AFP: variants seen among roughly 807,000 people sequenced by gnomAD.
AFP encodes alpha-fetoprotein.
In AFP, 64 loss-of-function variants were observed where a neutral mutation model predicts 78.9. The observed-to-expected ratio is 0.81, with a 90% CI of 0.66 to 1.00. The LOEUF (loss-of-function observed/expected upper bound fraction) is 1.00. AFP is among the 50% of genes least tolerant of loss of function. The probability of loss-of-function intolerance (pLI) is 0.00; values close to 1 mark genes in which losing one functional copy is unlikely to be tolerated. For synonymous variants in AFP, 254 were observed against 243.8 expected (o/e 1.04, Z -0.39); for missense variants, 689 against 703.8 (o/e 0.98, Z 0.24).
At chr4:73,450,362 G>A (rs1003122450) in intron 10 of AFP, among the ~76,000 whole-genome samples, 3 of 152,178 alleles carry the variant, frequency 2.0e-5, no homozygotes, top group African/African-American at 7.2e-5. Context: ...ATGAAGCTCC[G>A]AGGTTGAGAA....
intron 7 of AFP, among the ~76,000 whole-genome samples, chr4:73,446,246 A>G (rs963601672): frequency 3.5e-4 from 53 of 152,194 alleles, no homozygotes; most frequent in African/African-American, 1.1e-3. Context: ...GAAAACCAAC[A>G]AGAAGTATTT....
At chr4:73,446,978 G>T (rs1231534519) in intron 7 of AFP, among the ~76,000 whole-genome samples, 3 of 152,070 alleles carry the variant, frequency 2.0e-5, no homozygotes, top group Admixed American at 2.0e-4. Flanking sequence ...GATAGGTCAC[G>T]TTCTCACTCT....
Position 73,436,260 on chromosome 4 carries a change from A to G in AFP, c.-3A>G, listed in dbSNP as rs779153641. 5 of 1,591,398 alleles carry G rather than the reference A, an allele frequency of 3.1e-6. No homozygotes were observed. The Admixed American group carries it at 8.4e-5, about 27-fold the overall frequency. ...ACTGCCAATAACAAAATAACTAGCAACCATGAAGTGGGTGGAATCAATTTT... is the reference window on the plus strand; with the variant it reads ...ACTGCCAATAACAAAATAACTAGCAGCCATGAAGTGGGTGGAATCAATTTT... On this transcript the variant is annotated 5_prime_UTR_variant, in exon 1 of 15. Transcript: ENST00000395792.
chr4:73,437,907 C>T (rs1346504898), intron 2 of AFP, among the ~76,000 whole-genome samples: 1 of 151,934 alleles, frequency 6.6e-6, no homozygotes, highest in Non-Finnish European at 1.5e-5. Context: ...TGGATGGTCA[C>T]AGAAGGAGAA....
At position 73,440,591 on chromosome 4, in the gene AFP, A is replaced by G; in HGVS notation, c.271-11A>G. 2.5e-6 allele frequency: 4 copies of G among 1,608,524 alleles called. No homozygotes were observed. The highest frequency in any genetic ancestry group is 3.4e-6 in the Non-Finnish European group (4 of 1,174,866). On this transcript the variant is annotated splice_polypyrimidine_tract_variant and intron_variant, in intron 3 of 14. Transcript: ENST00000395792. ...AGTTGTCTTTCTCCAAACATAAAAT[A>G]TTTCTTATAGCTACCTGCCTTTCTG...
intron 6 of AFP, 83 bp downstream of exon 6, chr4:73,443,527 G>C (rs570208218): frequency 9.3e-7 from 1 of 1,074,944 alleles, no homozygotes; most frequent in South Asian, 1.3e-5. Context: ...TTTAATTGTT[G>C]CTGTTTTAGA....
chr4:73,450,529 A>G, intron 10 of AFP, 86 bp from the exon 11 acceptor site: 1 of 1,587,688 alleles, frequency 6.3e-7, no homozygotes, highest in Non-Finnish European at 8.6e-7. Context: ...TTCTGGCATG[A>G]GAGTAGAGAG....
At chr4:73,444,603 T>A (rs1235224378) in intron 6 of AFP, among the ~76,000 whole-genome samples, 3 of 152,202 alleles carry the variant, frequency 2.0e-5, no homozygotes, top group Admixed American at 6.5e-5. Context: ...TCAGAAGTAT[T>A]TTTTACCCCA....
At chr4:73,444,726 T>C (rs910877625) in intron 6 of AFP, among the ~76,000 whole-genome samples, 6 of 152,220 alleles carry the variant, frequency 3.9e-5, no homozygotes, top group Non-Finnish European at 7.3e-5. Flanking sequence ...ATGGCAAAAA[T>C]AATTTACCTT....
intron 3 of AFP, among the ~76,000 whole-genome samples, chr4:73,439,147 A>C (rs770449669): frequency 8.5e-5 from 13 of 152,210 alleles, no homozygotes; most frequent in Non-Finnish European, 1.3e-4. Context: ...TCTTAGTATA[A>C]GGATATTTCA....
At chr4:73,439,701 T>C (rs1310314452) in intron 3 of AFP, among the ~76,000 whole-genome samples, 10 of 152,210 alleles carry the variant, frequency 6.6e-5, no homozygotes, top group Admixed American at 6.5e-4. Context: ...ATATTGATGC[T>C]GTCATCTGAG....
Position 73,452,614 on chromosome 4 carries a change from A to G in AFP, c.1642A>G (p.Met548Val), listed in dbSNP as rs1577959692. 1.9e-6 allele frequency: 3 copies of G among 1,610,052 alleles called. No individual in the cohort carries two copies. The highest frequency in any genetic ancestry group is 1.1e-5 in the South Asian group (1 of 91,000). Reference protein sequence around the residue: ...CQAQGVALQTMKQEFLINLVK... With the variant: ...CQAQGVALQTVKQEFLINLVK... Reference sequence around the variant, plus strand: ...AGCTCAGGGTGTAGCGCTGCAAACAATGAAGCAAGAGTAAGAAACTGTTAC... The same window carrying G: ...AGCTCAGGGTGTAGCGCTGCAAACAGTGAAGCAAGAGTAAGAAACTGTTAC... The change falls in exon 12 of 15, where the codon ATG becomes GTG. Residue 548 changes from methionine to valine, a missense_variant. Transcript: ENST00000395792.
chr4:73,455,364 A>C, intron 14 of AFP, 74 bp downstream of exon 14: 53 of 1,192,484 alleles, frequency 4.4e-5, no homozygotes, highest in Non-Finnish European at 6.2e-5. Context: ...GAGATAGATC[A>C]TGAGGAGTGC....
At chr4:73,455,097 G>T in intron 13 of AFP, 139 bp from the exon 14 acceptor site, 1 of 682,182 alleles carries the variant, frequency 1.5e-6, no homozygotes, top group South Asian at 1.8e-5. Flanking sequence ...CAGGTTGTTG[G>T]CATCAGAGAT....
intron 7 of AFP, among the ~76,000 whole-genome samples, chr4:73,446,026 T>G (rs1376866150): frequency 6.6e-6 from 1 of 152,174 alleles, no homozygotes; most frequent in Non-Finnish European, 1.5e-5. Flanking sequence ...GGACTATGGT[T>G]TCCAGAAGGC....
chr4:73,452,336 A>C, intron 11 of AFP, 65 bp from the exon 12 acceptor site: 1 of 1,395,870 alleles, frequency 7.2e-7, no homozygotes, highest in Non-Finnish European at 1.0e-6. Flanking sequence ...GTTTTCTGAA[A>C]AACTGAACCA....
intron 11 of AFP, among the ~76,000 whole-genome samples, chr4:73,451,168 A>C (rs1719981158): frequency 1.3e-5 from 2 of 152,220 alleles, no homozygotes; most frequent in South Asian, 4.1e-4. Context: ...TATTTTAGCC[A>C]TATTTATATT....
rs111894561 is a variant in AFP, at chr4:73,439,678, T to C, written c.271-924T>C. ...ACATGAAACACATGTATTCCTCAGA[T>C]GCTTTCTGTGGAATATTGATGCTGT... On this transcript the variant is annotated intron_variant, in intron 3 of 14. Transcript: ENST00000395792. Among the ~76,000 whole-genome samples, 417 of 152,334 alleles carry C rather than the reference T, an allele frequency of 2.7e-3. 1 individual carries two copies. The highest frequency in any genetic ancestry group is 9.2e-3 in the African/African-American group (383 of 41,584).
intron 11 of AFP, among the ~76,000 whole-genome samples, chr4:73,451,142 T>A (rs190965945): frequency 2.0e-5 from 3 of 152,358 alleles, no homozygotes; most frequent in Admixed American, 1.3e-4. Context: ...CTTTGATTGA[T>A]TAAAATTAGT....
Sources: allele counts gnomAD v4.1 joint callset (sites outside exome capture counted in the v4.1 genomes callset), GRCh38; gene constraint gnomAD v4.1.1; transcripts MANE v1.5; gene names NCBI Gene and HGNC (gene_info 2026-07-23, HGNC 2026-07-21).